USP6: variants seen among roughly 807,000 people sequenced by gnomAD.
USP6 encodes the protein ubiquitin carboxyl-terminal hydrolase 6.
In USP6, 128 loss-of-function variants were observed where a neutral mutation model predicts 175.7. That is an observed-to-expected ratio of 0.73 (90% CI 0.63 to 0.84). The LOEUF (loss-of-function observed/expected upper bound fraction) is 0.84. Ranked by LOEUF, USP6 falls within the 40% of genes least tolerant of loss-of-function variation. The pLI, the probability that USP6 is intolerant of heterozygous loss-of-function variation, is 0.00. For missense variants in USP6, 1,498 were observed against 1,760.3 expected (o/e 0.85, Z 2.67); for synonymous variants, 562 against 630.6 (o/e 0.89, Z 1.63).
intron 4 of USP6, among the ~76,000 whole-genome samples, chr17:5,123,333 C>G (rs370840459): frequency 6.6e-6 from 1 of 151,926 alleles, no homozygotes; most frequent in Admixed American, 6.6e-5. Context: ...CCTCCCCGCC[C>G]GGGCACGGCC....
chr17:5,121,380 G>A lies in USP6; in HGVS notation c.-1669G>A. On this transcript the variant is annotated 5_prime_UTR_variant, in exon 4 of 38. Coordinates refer to ENST00000574788, the MANE Select transcript of USP6 (RefSeq NM_001304284.2). ...TGGCCCACTCTGCCTTCCAGAGAGA[G>A]GGGCTGAACTGCGAGGTGGCCACCA... is the stretch of plus-strand genomic sequence containing the variant. 3.0e-6 allele frequency: 1 copy of A among 338,616 alleles called. No homozygotes were observed. The highest frequency in any genetic ancestry group is 2.5e-5 in the South Asian group (1 of 40,678). 21.0% of individuals were successfully genotyped at this position (338,616 alleles called of 1,614,324 possible). A position where few individuals can be genotyped will look rare whatever the true frequency, so the allele number is the denominator to read the frequency against.
chr17:5,132,880 C>G lies in USP6; in HGVS notation c.196-30C>G, dbSNP rs1233527519. On this transcript the variant is annotated intron_variant, in intron 12 of 37. Transcript: ENST00000574788. This position sits in a 1 kb window ranked among gnomAD's most constrained non-coding sequence, Gnocchi z 4.7. ...GGCGGCTCTGGGAAGCCTGGCAGCT[C>G]CACTAACTCCAACATGCCTCATTTG... is the stretch of plus-strand genomic sequence containing the variant. The G allele has an allele frequency of 1.2e-6, 2 of 1,613,682 alleles. No homozygotes were observed. The highest frequency in any genetic ancestry group is 1.7e-6 in the Non-Finnish European group (2 of 1,179,608).
At chr17:5,116,781 C>T (rs1322725859) in intron 1 of USP6, 41 bp downstream of exon 1, 5 of 152,226 alleles carry the variant, frequency 3.3e-5, no homozygotes, top group African/African-American at 1.2e-4. Flanking sequence ...AGCGTAGTTT[C>T]TTATGTATAA....
chr17:5,132,047 C>G lies in USP6; in HGVS notation c.156-349C>G, dbSNP rs2073084764. ...GGACTCCTGTCAGGGCCCGGTCGCC[C>G]ATGCTGGGTGGCCCCCATCCCATCT... On this transcript the variant is annotated intron_variant, in intron 11 of 37. Coordinates refer to ENST00000574788, the MANE Select transcript of USP6 (RefSeq NM_001304284.2). This position sits in a 1 kb window ranked among gnomAD's most constrained non-coding sequence, Gnocchi z 4.7. Among the ~76,000 whole-genome samples, 1 of 152,120 alleles carries G rather than the reference C, an allele frequency of 6.6e-6. No individual in the cohort carries two copies. The highest frequency in any genetic ancestry group is 6.5e-5 in the Admixed American group (1 of 15,282).
chr17:5,132,868 A>G lies in USP6; in HGVS notation c.196-42A>G. 1 of 1,611,676 alleles carries G rather than the reference A, an allele frequency of 6.2e-7. No individual in the cohort carries two copies. The highest frequency in any genetic ancestry group is 8.5e-7 in the Non-Finnish European group (1 of 1,177,838). On this transcript the variant is annotated intron_variant, in intron 12 of 37. Coordinates refer to ENST00000574788, the MANE Select transcript of USP6 (RefSeq NM_001304284.2). The surrounding 1 kb of genome is among the most constrained non-coding windows in gnomAD (Gnocchi z 4.7). Reference sequence around the variant, plus strand: ...TCAGCATCCATGGGCGGCTCTGGGAAGCCTGGCAGCTCCACTAACTCCAAC... The same window carrying G: ...TCAGCATCCATGGGCGGCTCTGGGAGGCCTGGCAGCTCCACTAACTCCAAC...
chr17:5,143,878 A>G (rs1485240081), intron 25 of USP6, among the ~76,000 whole-genome samples: 3 of 152,178 alleles, frequency 2.0e-5, no homozygotes, highest in African/African-American at 7.2e-5. Flanking sequence ...ATGAGCCAAG[A>G]TCGCACCACT....
intron 17 of USP6, 122 bp from the exon 18 acceptor site, chr17:5,136,518 C>T: frequency 1.6e-6 from 2 of 1,283,148 alleles, no homozygotes; most frequent in Non-Finnish European, 2.2e-6. Context: ...GGTAGGGTCA[C>T]CAGATGGGAG....
chr17:5,127,232 C>T (rs6502845), intron 6 of USP6, among the ~76,000 whole-genome samples: 2 of 151,912 alleles, frequency 1.3e-5, no homozygotes, highest in Non-Finnish European at 2.9e-5. Flanking sequence ...TGGGCTCCGC[C>T]GCCCCTAGTC....
chr17:5,151,170 T>C (rs1402206359), intron 30 of USP6, among the ~76,000 whole-genome samples: 1 of 152,088 alleles, frequency 6.6e-6, no homozygotes, highest in Non-Finnish European at 1.5e-5. Flanking sequence ...ACCATTCAAC[T>C]CAACTACAGA....
At position 5,120,787 on chromosome 17, in the gene USP6, T is replaced by C. The variant is rs2072636417; in HGVS notation, c.-1676T>C. The stretch of plus-strand genomic sequence containing the variant: ...GATGCCAAGGGCTGTTTCTTCAGCA[T>C]GGTGGGTGGCCATATGTAAGCAGGT... On this transcript the variant is annotated splice_region_variant and 5_prime_UTR_variant, in exon 3 of 38. The change abolishes an upstream ATG in the 5' untranslated region. Coordinates refer to ENST00000574788, the MANE Select transcript of USP6 (RefSeq NM_001304284.2). 2 of 448,982 alleles carry C rather than the reference T, an allele frequency of 4.5e-6. No homozygotes were observed. Among genetic ancestry groups the C allele is most frequent in the African/African-American group, 2.0e-5 (1 of 50,058 alleles). 27.8% of individuals were successfully genotyped at this position (448,982 alleles called of 1,614,324 possible).
chr17:5,121,435 G>C lies in USP6; in HGVS notation c.-1614G>C, dbSNP rs566469813. The C allele has an allele frequency of 2.2e-5, 7 of 312,216 alleles. No homozygotes were observed. The highest frequency in any genetic ancestry group is 4.3e-5 in the African/African-American group (2 of 46,078). 19.3% of individuals were successfully genotyped at this position (312,216 alleles called of 1,614,324 possible). Reference sequence around the variant, plus strand: ...AGAGGCCCTGCAGAGCGGCAGGATAGAGATATGGAGCTCTACATCTCTGTG... The same window carrying C: ...AGAGGCCCTGCAGAGCGGCAGGATACAGATATGGAGCTCTACATCTCTGTG... On this transcript the variant is annotated 5_prime_UTR_variant, in exon 4 of 38. Transcript: ENST00000574788.
In USP6 at chr17:5,155,487, G is replaced by C; in HGVS notation, c.2709G>C (p.Leu903Phe). Reference sequence around the variant, plus strand: ...GCCCCAGCCTCTTTGGAATGCCATTGATTGTTCCATGCACTGTGCATACCC... The same window carrying C: ...GCCCCAGCCTCTTTGGAATGCCATTCATTGTTCCATGCACTGTGCATACCC... ...ENRPSLFGMP[L>F]IVPCTVHTRK... Residue 903 changes from leucine (L) to phenylalanine (F), a missense_variant, in exon 31 of 38, where the codon TTG becomes TTC. Physicochemically the swap from Leu to Phe is conservative, Grantham distance 22. This residue lies in a region of USP6 where 1,217 missense variants were observed against 1,500.8 expected (regional missense o/e 0.81). Coordinates refer to ENST00000574788, the MANE Select transcript of USP6 (RefSeq NM_001304284.2). The C allele has an allele frequency of 6.2e-7, 1 of 1,614,096 alleles. No homozygotes were observed. The highest frequency in any genetic ancestry group is 8.5e-7 in the Non-Finnish European group (1 of 1,180,006).
At chr17:5,123,709 T>C (rs1433228099) in intron 4 of USP6, among the ~76,000 whole-genome samples, 2 of 152,124 alleles carry the variant, frequency 1.3e-5, no homozygotes, top group Non-Finnish European at 2.9e-5. Context: ...TCGTTCGCTC[T>C]CACGGGACAC....
At chr17:5,154,536 C>T (rs370745806) in intron 30 of USP6, among the ~76,000 whole-genome samples, 30 of 152,046 alleles carry the variant, frequency 2.0e-4, no homozygotes, top group African/African-American at 7.3e-4. Context: ...TTATCCTATC[C>T]TGTATTTAAA....
intron 1 of USP6, among the ~76,000 whole-genome samples, chr17:5,117,069 T>C (rs2072554567): frequency 6.6e-6 from 1 of 152,238 alleles, no homozygotes; most frequent in Admixed American, 6.5e-5. Context: ...CTCCCCACTG[T>C]AGTATCATAT....
intron 2 of USP6, among the ~76,000 whole-genome samples, chr17:5,120,319 G>T (rs762917981): frequency 1.3e-5 from 2 of 152,072 alleles, no homozygotes; most frequent in African/African-American, 4.8e-5. Flanking sequence ...GAGTGAGGTC[G>T]CCTGTGGTCA....
Position 5,145,638 on chromosome 17 carries a change from G to A in USP6, c.2167+59G>A, listed in dbSNP as rs1420747062. On this transcript the variant is annotated intron_variant, in intron 27 of 37. Coordinates refer to ENST00000574788, the MANE Select transcript of USP6 (RefSeq NM_001304284.2). ...CCATTAAATTTACTTTATTTAAATA[G>A]CCTGAATTTGTAAGCATAGTTATTT... is the stretch of plus-strand genomic sequence containing the variant. 4 of 1,496,846 alleles carry A rather than the reference G, an allele frequency of 2.7e-6. No homozygotes were observed. The African/African-American group carries it at 5.7e-5, about 21-fold the overall frequency. The allele number at this position is 1,496,846 out of a possible 1,614,324, so 92.7% of individuals were successfully genotyped here. A position where few individuals can be genotyped will look rare whatever the true frequency, so the allele number is the denominator to read the frequency against.
chr17:5,160,471 T>C (rs2073983425), intron 31 of USP6, among the ~76,000 whole-genome samples: 1 of 152,194 alleles, frequency 6.6e-6, no homozygotes, highest in South Asian at 2.1e-4. Flanking sequence ...TTCGATAATA[T>C]GTATAAATTG....
chr17:5,137,108 T>C lies in USP6; in HGVS notation c.760-13T>C, dbSNP rs1205043830. ...GCCCAGGGGGCCCTGAGCACCTCTG[T>C]TCATCCCATCAGGACAAGGAAGGTC... On this transcript the variant is annotated splice_polypyrimidine_tract_variant and intron_variant, in intron 18 of 37. Coordinates refer to ENST00000574788, the MANE Select transcript of USP6 (RefSeq NM_001304284.2). 6.2e-7 allele frequency: 1 copy of C among 1,613,250 alleles called. No homozygotes were observed. The highest frequency in any genetic ancestry group is 8.5e-7 in the Non-Finnish European group (1 of 1,179,538).
Sources: allele counts gnomAD v4.1 joint callset (sites outside exome capture counted in the v4.1 genomes callset), GRCh38; gene constraint gnomAD v4.1.1; regional missense constraint gnomAD v4.1.1; non-coding constraint Gnocchi (gnomAD v3.1); transcripts MANE v1.5; gene names NCBI Gene and HGNC (gene_info 2026-07-23, HGNC 2026-07-21).